Variants in CDC14B observed in about 807,000 individuals in gnomAD.
CDC14B encodes the protein cell division cycle 14B.
CDC14B carries 22 observed loss-of-function variants against 64.2 expected under a neutral mutation model. The ratio of observed to expected loss-of-function variants is 0.34; its 90% CI spans 0.24 to 0.49. The LOEUF (loss-of-function observed/expected upper bound fraction) is 0.49, where lower values mean the gene tolerates loss of function less well. CDC14B is among the 20% of genes least tolerant of loss of function. The pLI, the probability that CDC14B is intolerant of heterozygous loss-of-function variation, is 0.99. For missense variants in CDC14B, 498 were observed against 629.9 expected (o/e 0.79, Z 2.24); for synonymous variants, 191 against 215.8 (o/e 0.89, Z 1.01).
At chr9:96,574,686 A>G (rs542797081) in intron 1 of CDC14B, among the ~76,000 whole-genome samples, 1 of 140,218 alleles carries the variant, frequency 7.1e-6, no homozygotes, top group Non-Finnish European at 1.5e-5. Flanking sequence ...CAAGAGCGAA[A>G]CTCGGTCTCA....
At chr9:96,571,178 A>ATTT (rs199600453) in intron 1 of CDC14B, among the ~76,000 whole-genome samples, 3 of 150,602 alleles carry the variant, frequency 2.0e-5, no homozygotes, top group African/African-American at 7.5e-5. Flanking sequence ...ACGAAAAAAA[A>ATTT]ATTTTTTTTT....
chr9:96,498,400 A>G (rs1009720779), downstream of CDC14B, among the ~76,000 whole-genome samples: 3 of 152,168 alleles, frequency 2.0e-5, no homozygotes, highest in African/African-American at 7.2e-5. Context: ...TGGGACTTGC[A>G]CTTTCCACGG....
At chr9:96,546,869 T>C (rs953072492) in intron 5 of CDC14B, among the ~76,000 whole-genome samples, 1 of 151,612 alleles carries the variant, frequency 6.6e-6, no homozygotes, top group Non-Finnish European at 1.5e-5. Flanking sequence ...GAGACCATCC[T>C]GGCTAACACA....
intron 7 of CDC14B, among the ~76,000 whole-genome samples, chr9:96,538,121 T>C (rs546250469): frequency 2.2e-4 from 33 of 152,326 alleles, no homozygotes; most frequent in Admixed American, 2.1e-3. Context: ...AAAGATATTT[T>C]CCAGAGATAA....
chr9:96,568,143 T>C (rs901577482), intron 1 of CDC14B, among the ~76,000 whole-genome samples: 1 of 152,208 alleles, frequency 6.6e-6, no homozygotes, highest in Non-Finnish European at 1.5e-5. Context: ...TGTTACTTTA[T>C]ACATACTTTT....
In CDC14B at chr9:96,502,556, C is replaced by G; in HGVS notation, c.*1197G>C. On this transcript the variant is annotated 3_prime_UTR_variant, in exon 14 of 14. Coordinates refer to ENST00000375241, the MANE Select transcript of CDC14B (RefSeq NM_033331.4). ...AACCACCCACTTCTTATGGAAGGAA[C>G]TGAGGTGAGTACTATATATTCTTTT... 4.1e-6 allele frequency: 1 copy of G among 245,060 alleles called. No homozygotes were observed. 15.2% of individuals were successfully genotyped at this position (245,060 alleles called of 1,614,324 possible).
intron 1 of CDC14B, among the ~76,000 whole-genome samples, chr9:96,600,132 C>T (rs1016482310): frequency 1.3e-5 from 2 of 151,870 alleles, no homozygotes; most frequent in Non-Finnish European, 2.9e-5. Flanking sequence ...TGATGGCTCT[C>T]GCCTGTAATC....
At chr9:96,495,134 T>C (rs1338926332), downstream of CDC14B, among the ~76,000 whole-genome samples, 1 of 152,070 alleles carries the variant, frequency 6.6e-6, no homozygotes, top group East Asian at 1.9e-4. Flanking sequence ...GCGCCTGGCC[T>C]GAACACTTTC....
At chr9:96,591,871 G>A (rs1010940621) in intron 1 of CDC14B, among the ~76,000 whole-genome samples, 9 of 150,912 alleles carry the variant, frequency 6.0e-5, no homozygotes, top group African/African-American at 9.8e-5. Context: ...TCAGCCTTCC[G>A]AGTAGCTGGG....
intron 13 of CDC14B, among the ~76,000 whole-genome samples, chr9:96,508,303 A>AC (rs754450073): frequency 4.6e-5 from 7 of 152,210 alleles, no homozygotes; most frequent in Non-Finnish European, 1.0e-4. Context: ...GGCGCGAGCC[A>AC]CCGCACCCGG....
chr9:96,566,835 A>C, intron 1 of CDC14B: 1 of 1,599,420 alleles, frequency 6.3e-7, no homozygotes, highest in Non-Finnish European at 8.5e-7. Flanking sequence ...AGCATCTGGA[A>C]GGCGGGGCAG....
intron 9 of CDC14B, among the ~76,000 whole-genome samples, chr9:96,531,994 T>A (rs1838565461): frequency 6.6e-6 from 1 of 152,202 alleles, no homozygotes; most frequent in Non-Finnish European, 1.5e-5. Context: ...TTACTGGCGA[T>A]GTTATTATAT....
rs2119131714 is a variant in CDC14B, at chr9:96,619,437, G to T, written c.-59C>A. 5.8e-6 allele frequency: 6 copies of T among 1,032,770 alleles called. No individual in the cohort carries two copies. Among genetic ancestry groups the T allele is most frequent in the Non-Finnish European group, 5.8e-6 (5 of 855,196 alleles). The allele number at this position is 1,032,770 out of a possible 1,614,324, so 64.0% of individuals were successfully genotyped here. Reference sequence around the variant, plus strand: ...CATGGCCCCGCGCGCCCGCGCGCCCGCCGAGGCTCCCGCCAGCCCCGCGCG... The same window carrying T: ...CATGGCCCCGCGCGCCCGCGCGCCCTCCGAGGCTCCCGCCAGCCCCGCGCG... On this transcript the variant is annotated 5_prime_UTR_variant, in exon 1 of 14. Transcript: ENST00000375241.
intron 12 of CDC14B, among the ~76,000 whole-genome samples, chr9:96,517,802 G>A (rs368695705): frequency 1.3e-5 from 2 of 151,620 alleles, no homozygotes; most frequent in African/African-American, 4.8e-5. Flanking sequence ...AGTAGCAGCT[G>A]AGACTGCCTG....
At position 96,608,797 on chromosome 9, in the gene CDC14B, G is replaced by A. The variant is rs141581273; in HGVS notation, c.160+10422C>T. Among the ~76,000 whole-genome samples, 584 of 151,952 alleles carry A rather than the reference G, an allele frequency of 3.8e-3. 6 individuals carry two copies. Among genetic ancestry groups the A allele is most frequent in the African/African-American group, 0.013 (522 of 41,424 alleles). The stretch of plus-strand genomic sequence containing the variant: ...TTTCCTTTAGATGTATTTTAATAGA[G>A]ATAGGGTTTTCGGTGAATTATTAAC... On this transcript the variant is annotated intron_variant, in intron 1 of 13. Coordinates refer to ENST00000375241, the MANE Select transcript of CDC14B (RefSeq NM_033331.4).
intron 1 of CDC14B, among the ~76,000 whole-genome samples, chr9:96,601,812 A>G (rs919294007): frequency 1.3e-5 from 2 of 149,216 alleles, no homozygotes; most frequent in African/African-American, 4.9e-5. Context: ...AAAAAAAAAA[A>G]AAATTGGGAG....
chr9:96,575,515 C>G (rs905902207), intron 1 of CDC14B, among the ~76,000 whole-genome samples: 3 of 152,052 alleles, frequency 2.0e-5, no homozygotes, highest in African/African-American at 7.2e-5. Context: ...TTCATACTTT[C>G]CAAATCACTA....
At chr9:96,533,849 CTAAA>C in intron 9 of CDC14B, 74 bp downstream of exon 9, 1 of 855,752 alleles carries the variant, frequency 1.2e-6, no homozygotes, top group Middle Eastern at 2.4e-4. Flanking sequence ...GACACATAAA[CTAAA>C]TGAATATGGT....
chr9:96,494,995 C>T (rs942130039), intron 13 of CDC14B, among the ~76,000 whole-genome samples: 58 of 151,626 alleles, frequency 3.8e-4, no homozygotes, highest in Non-Finnish European at 7.1e-4. Context: ...CCACCACGCC[C>T]GGCTAATTTT....
Sources: gnomAD v4.1 joint callset for allele counts (sites outside exome capture counted in the v4.1 genomes callset) on GRCh38, gnomAD v4.1.1 for gene constraint, MANE v1.5 for transcripts, NCBI Gene and HGNC (gene_info 2026-07-23, HGNC 2026-07-21) for gene names.